PSMC5: variants seen among roughly 807,000 people sequenced by gnomAD.
The protein encoded by PSMC5 is proteasome 26S subunit, ATPase 5, also known as 26S proteasome regulatory subunit 8.
A neutral mutation model predicts 49.1 loss-of-function variants in PSMC5; 11 were observed. That is an observed-to-expected ratio of 0.22 (90% CI 0.14 to 0.37). The LOEUF is 0.37. Among genes scored for constraint, PSMC5 ranks in the 10% least tolerant of loss-of-function variants. The pLI, the probability that PSMC5 is intolerant of heterozygous loss-of-function variation, is 1.00. For synonymous variants in PSMC5, 206 were observed against 192.2 expected (o/e 1.07, Z -0.59); for missense variants, 229 against 520.9 (o/e 0.44, Z 5.45).
chr17:63,830,856 C>T lies in PSMC5; in HGVS notation c.600C>T (p.Ala200=), dbSNP rs2040175677. 1.2e-6 allele frequency: 2 copies of T among 1,614,076 alleles called. No individual in the cohort carries two copies. The highest frequency in any genetic ancestry group is 1.7e-6 in the Non-Finnish European group (2 of 1,180,010). ...GPPGTGKTLL[A]RAVAHHTDCT... ...CAGGCACTGGGAAGACACTGTTGGC[C>T]CGGGCTGTGGCTCATCATACGGACT... The change falls in exon 7 of 12, where the codon GCC becomes GCT. Residue 200 remains alanine (A), a synonymous_variant. Coordinates refer to ENST00000310144, the MANE Select transcript of PSMC5 (RefSeq NM_002805.6). The surrounding 1 kb of genome is among the most constrained non-coding windows in gnomAD (Gnocchi z 4.0).
chr17:63,830,228 A>G lies in PSMC5; in HGVS notation c.321+39A>G. The G allele has an allele frequency of 6.2e-7, 1 of 1,613,852 alleles. No homozygotes were observed. Among genetic ancestry groups the G allele is most frequent in the Non-Finnish European group, 8.5e-7 (1 of 1,179,864 alleles). ...GTGAGGTGGTGGTGGTGGTGGGGTC[A>G]GCTCTTACTGTACCACTTCTGAAAC... On this transcript the variant is annotated intron_variant, in intron 5 of 11. Coordinates refer to ENST00000310144, the MANE Select transcript of PSMC5 (RefSeq NM_002805.6). This position sits in a 1 kb window ranked among gnomAD's most constrained non-coding sequence, Gnocchi z 4.0.
chr17:63,830,844 G>A lies in PSMC5; in HGVS notation c.588G>A (p.Lys196=). The part of the protein sequence containing the change: ...VLLYGPPGTG[K]TLLARAVAHH... ...TGTATGGACCTCCAGGCACTGGGAA[G>A]ACACTGTTGGCCCGGGCTGTGGCTC... is the stretch of plus-strand genomic sequence containing the variant. The change falls in exon 7 of 12, where the codon AAG becomes AAA. Residue 196 remains lysine, a synonymous_variant. Coordinates refer to ENST00000310144, the MANE Select transcript of PSMC5 (RefSeq NM_002805.6). The surrounding 1 kb of genome is among the most constrained non-coding windows in gnomAD (Gnocchi z 4.0). 10 of 1,614,192 alleles carry A rather than the reference G, an allele frequency of 6.2e-6. No individual in the cohort carries two copies. The highest frequency in any genetic ancestry group is 7.6e-6 in the Non-Finnish European group (9 of 1,180,030).
intron 2 of PSMC5, chr17:63,829,213 T>C: frequency 2.9e-6 from 1 of 343,520 alleles, no homozygotes; most frequent in Non-Finnish European, 5.3e-6. Context: ...CTGCAAGAAA[T>C]TTGGTGTTAC....
Position 63,831,999 on chromosome 17 carries a change from T to C in PSMC5, c.*30T>C. 6.2e-7 allele frequency: 1 copy of C among 1,603,218 alleles called. No individual in the cohort carries two copies. The highest frequency in any genetic ancestry group is 8.5e-7 in the Non-Finnish European group (1 of 1,170,104). ...ACAGCCTTTGTGTGTATCTCTCCAA[T>C]AAAGCTCTGTGGGCCAAGTCCTCTA... On this transcript the variant is annotated 3_prime_UTR_variant, in exon 12 of 12. Transcript: ENST00000310144. The surrounding 1 kb of genome is among the most constrained non-coding windows in gnomAD (Gnocchi z 6.3).
Position 63,830,951 on chromosome 17 carries a change from A to C in PSMC5, c.679+16A>C. On this transcript the variant is annotated intron_variant, in intron 7 of 11. Coordinates refer to ENST00000310144, the MANE Select transcript of PSMC5 (RefSeq NM_002805.6). This position sits in a 1 kb window ranked among gnomAD's most constrained non-coding sequence, Gnocchi z 4.0. ...ATAGGGGAAGGTAACCATGGCTAGCAATGTGAGAAGCAAGAGGTAGGGGTA... is the reference window on the plus strand; with the variant it reads ...ATAGGGGAAGGTAACCATGGCTAGCCATGTGAGAAGCAAGAGGTAGGGGTA... The C allele has an allele frequency of 1.2e-6, 2 of 1,614,068 alleles. No homozygotes were observed. Among genetic ancestry groups the C allele is most frequent in the Non-Finnish European group, 1.7e-6 (2 of 1,179,982 alleles).
At chr17:63,828,039 A>T in intron 1 of PSMC5, 99 bp from the exon 2 acceptor site, 1 of 1,447,710 alleles carries the variant, frequency 6.9e-7, no homozygotes, top group East Asian at 2.3e-5. Flanking sequence ...TCTACTACGC[A>T]AAGCTACCTG....
Position 63,829,964 on chromosome 17 carries a change from A to AC in PSMC5, c.264+19dup. 6.3e-7 allele frequency: 1 copy of AC among 1,599,586 alleles called. No individual in the cohort carries two copies. Among genetic ancestry groups the AC allele is most frequent in the African/African-American group, 1.3e-5 (1 of 74,596 alleles). On this transcript the variant is annotated intron_variant, in intron 4 of 11. Coordinates refer to ENST00000310144, the MANE Select transcript of PSMC5 (RefSeq NM_002805.6). ...TGTTGGTCAAGGTAAAAGCAGCATG[A>AC]CCCCAGGGACCAGCTCGGTCTCCAC...
chr17:63,827,549 G>C (rs146291249), intron 1 of PSMC5, 35 bp downstream of exon 1: 1 of 1,551,454 alleles, frequency 6.4e-7, no homozygotes. Context: ...GGCAGGTTAC[G>C]GGGCTGGGTG....
intron 1 of PSMC5, chr17:63,827,901 G>A: frequency 1.4e-6 from 2 of 1,411,362 alleles, no homozygotes; most frequent in Non-Finnish European, 1.9e-6. Flanking sequence ...ATCGCCTCTC[G>A]GTCCTCCTAA....
intron 2 of PSMC5, chr17:63,829,288 CCTT>C (rs1196638827): frequency 5.4e-6 from 3 of 554,964 alleles, no homozygotes; most frequent in Non-Finnish European, 9.7e-6. Context: ...GGACAAGCAG[CCTT>C]CTTTGATGGC....
rs1394559621 is a variant in PSMC5 at position 63,827,436 on chromosome 17, C to T, written c.-55C>T. 2.3e-5 allele frequency: 36 copies of T among 1,551,528 alleles called. No individual in the cohort carries two copies. Among genetic ancestry groups the T allele is most frequent in the Non-Finnish European group, 3.1e-5 (35 of 1,146,962 alleles). On this transcript the variant is annotated 5_prime_UTR_variant, in exon 1 of 12. Coordinates refer to ENST00000310144, the MANE Select transcript of PSMC5 (RefSeq NM_002805.6). The stretch of plus-strand genomic sequence containing the variant: ...TCTTCAGGTCCCAATCCTCCGCTTC[C>T]GCGCTTGCGCGCCAAGACGGCTCGG...
Position 63,831,882 on chromosome 17 carries a change from G to A in PSMC5, c.1168-34G>A. On this transcript the variant is annotated intron_variant, in intron 11 of 11. Coordinates refer to ENST00000310144, the MANE Select transcript of PSMC5 (RefSeq NM_002805.6). This position sits in a 1 kb window ranked among gnomAD's most constrained non-coding sequence, Gnocchi z 6.3. Reference sequence around the variant, plus strand: ...AGTGGGCTAGGGCATGTGTGTGTTCGTAACTTAATGTTCATTCTCTCTCCC... The same window carrying A: ...AGTGGGCTAGGGCATGTGTGTGTTCATAACTTAATGTTCATTCTCTCTCCC... The A allele has an allele frequency of 6.2e-7, 1 of 1,612,848 alleles. No homozygotes were observed. Among genetic ancestry groups the A allele is most frequent in the Non-Finnish European group, 8.5e-7 (1 of 1,178,862 alleles).
intron 3 of PSMC5, 69 bp downstream of exon 3, chr17:63,829,632 T>C: frequency 6.8e-7 from 1 of 1,462,828 alleles, no homozygotes; most frequent in Non-Finnish European, 9.4e-7. Flanking sequence ...CTCCCTGCAC[T>C]GTGTCTTCAC....
chr17:63,830,730 G>T lies in PSMC5; in HGVS notation c.553-79G>T. 1 of 1,557,304 alleles carries T rather than the reference G, an allele frequency of 6.4e-7. No homozygotes were observed. Among genetic ancestry groups the T allele is most frequent in the South Asian group, 1.2e-5 (1 of 84,312 alleles). The stretch of plus-strand genomic sequence containing the variant: ...TTTGTATCCCTAACATCTAGCAAGG[G>T]ACCCAGCACTCGGTAAATGTTCACT... On this transcript the variant is annotated intron_variant, in intron 6 of 11. Transcript: ENST00000310144. This position sits in a 1 kb window ranked among gnomAD's most constrained non-coding sequence, Gnocchi z 4.0.
rs1188865881 is a variant in PSMC5 at position 63,831,454 on chromosome 17, T to C, written c.969+29T>C. On this transcript the variant is annotated intron_variant, in intron 9 of 11. Coordinates refer to ENST00000310144, the MANE Select transcript of PSMC5 (RefSeq NM_002805.6). This position sits in a 1 kb window ranked among gnomAD's most constrained non-coding sequence, Gnocchi z 6.3. ...TGTGATGGACACTGTGCAAAGTGGC[T>C]CTGGCTGTGGGGGTGGGGTGTGGGG... 8 of 1,613,064 alleles carry C rather than the reference T, an allele frequency of 5.0e-6. No individual in the cohort carries two copies. The highest frequency in any genetic ancestry group is 2.2e-5 in the East Asian group (1 of 44,882).
rs569893898 is a variant in PSMC5, at chr17:63,830,081, G to A, written c.265-52G>A. 3 of 1,597,894 alleles carry A rather than the reference G, an allele frequency of 1.9e-6. No individual in the cohort carries two copies. Among genetic ancestry groups the A allele is most frequent in the East Asian group, 2.2e-5 (1 of 44,798 alleles). ...GATTCTCATAGGTCTTCCTGGGTAG[G>A]ATTAGTGATTTGGTGGCTGTCAAGG... On this transcript the variant is annotated intron_variant, in intron 4 of 11. Transcript: ENST00000310144. The surrounding 1 kb of genome is among the most constrained non-coding windows in gnomAD (Gnocchi z 4.0).
rs1463939136 is a variant in PSMC5 at position 63,827,529 on chromosome 17, G to C, written c.24+15G>C. ...GACCAGAGCAGGTATGGCGGGTGCAGTGGCGGCCCGGCAGGTTACGGGGCT... is the reference window on the plus strand; with the variant it reads ...GACCAGAGCAGGTATGGCGGGTGCACTGGCGGCCCGGCAGGTTACGGGGCT... On this transcript the variant is annotated intron_variant, in intron 1 of 11. Transcript: ENST00000310144. 1 of 1,551,464 alleles carries C rather than the reference G, an allele frequency of 6.4e-7. No homozygotes were observed. The highest frequency in any genetic ancestry group is 8.7e-7 in the Non-Finnish European group (1 of 1,146,914).
In PSMC5 at chr17:63,831,282, C is replaced by A; in HGVS notation, c.871-45C>A. On this transcript the variant is annotated intron_variant, in intron 8 of 11. Transcript: ENST00000310144. This position sits in a 1 kb window ranked among gnomAD's most constrained non-coding sequence, Gnocchi z 6.3. Reference sequence around the variant, plus strand: ...AGGGAAGGCCTGGGTGCCACGCAGGCTGAGGAAGAGGTTTAGCTGATCCCC... The same window carrying A: ...AGGGAAGGCCTGGGTGCCACGCAGGATGAGGAAGAGGTTTAGCTGATCCCC... 6.2e-7 allele frequency: 1 copy of A among 1,611,092 alleles called. No homozygotes were observed.
intron 3 of PSMC5, 101 bp from the exon 4 acceptor site, chr17:63,829,751 C>T (rs763414412): frequency 2.9e-5 from 40 of 1,377,376 alleles, no homozygotes; most frequent in Non-Finnish European, 4.1e-5. Flanking sequence ...GACCTTTGGC[C>T]TTCCTTTAAT....
Sources: gnomAD v4.1 joint callset for allele counts on GRCh38, gnomAD v4.1.1 for gene constraint, Gnocchi (gnomAD v3.1) non-coding constraint, MANE v1.5 for transcripts, NCBI Gene and HGNC (gene_info 2026-07-23, HGNC 2026-07-21) for gene names.